Variants in RHPN1 observed in about 807,000 individuals in gnomAD.
RHPN1 encodes the protein rhophilin-1.
RHPN1 carries 77 observed loss-of-function variants against 74.7 expected under a neutral mutation model. That is an observed-to-expected ratio of 1.03 (90% confidence interval 0.86 to 1.25). The LOEUF (loss-of-function observed/expected upper bound fraction) is 1.25. Ranked by LOEUF, RHPN1 falls within the 50% of genes most tolerant of loss-of-function variation. RHPN1 has a pLI of 0.00. For missense variants in RHPN1, 987 were observed against 932.2 expected (o/e 1.06, Z -0.77); for synonymous variants, 444 against 414.5 (o/e 1.07, Z -0.87).
chr8:143,376,512 C>A lies in RHPN1; in HGVS notation c.177-13C>A. On this transcript the variant is annotated splice_polypyrimidine_tract_variant and intron_variant, in intron 2 of 14. Coordinates refer to ENST00000289013, the MANE Select transcript of RHPN1 (RefSeq NM_052924.3). ...CTTGGGGCTGGGCTTTCAACTGCCG[C>A]GGCCTCCCTCAGAGCCACCAGCAAC... The A allele has an allele frequency of 1.2e-6, 2 of 1,611,390 alleles. No individual in the cohort carries two copies. The highest frequency in any genetic ancestry group is 3.3e-4 in the Middle Eastern group (2 of 6,034).
chr8:143,381,290 G>A lies in RHPN1; in HGVS notation c.1434G>A (p.Glu478=), dbSNP rs899755576. Residue 478 remains glutamate (E), a synonymous_variant, in exon 12 of 15, where the codon GAG becomes GAA. Transcript: ENST00000289013. ...DIQPKTHQKP[E]ARMPRLSQGK... The stretch of plus-strand genomic sequence containing the variant: ...CAGCTAAGACCCACCAGAAGCCAGA[G>A]GCCAGGATGCCACGCCTGTCCCAGG... The A allele has an allele frequency of 1.9e-6, 3 of 1,613,120 alleles. No homozygotes were observed. Among genetic ancestry groups the A allele is most frequent in the Non-Finnish European group, 2.5e-6 (3 of 1,179,698 alleles).
upstream of RHPN1, among the ~76,000 whole-genome samples, chr8:143,364,288 A>G (rs1180633880): frequency 3.3e-5 from 5 of 152,210 alleles, no homozygotes; most frequent in East Asian, 9.6e-4. This position sits in a 1 kb window ranked among gnomAD's most constrained non-coding sequence, Gnocchi z 4.5. Context: ...TATTTGCCAG[A>G]AAAGTGCAGT....
chr8:143,382,360 C>T, intron 14 of RHPN1, 76 bp from the exon 15 acceptor site: 4 of 1,346,124 alleles, frequency 3.0e-6, no homozygotes, highest in South Asian at 1.3e-5. Flanking sequence ...AGGTGGTTCT[C>T]ACCCCTCCCA....
chr8:143,374,212 G>A (rs1423740858), intron 1 of RHPN1: 6 of 985,342 alleles, frequency 6.1e-6, no homozygotes, highest in Non-Finnish European at 6.0e-6. Flanking sequence ...ACGTGTGTGC[G>A]TGGAGAGGGT....
chr8:143,366,508 AACAC>A (rs10642629), upstream of RHPN1: 16,358 of 148,612 alleles, frequency 0.11, 1,056 homozygotes, highest in South Asian at 0.26. Context: ...ACCCCCCTCC[AACAC>A]ACACACACAC....
Position 143,379,010 on chromosome 8 carries a change from G to C in RHPN1, c.683G>C (p.Gly228Ala). The C allele has an allele frequency of 6.5e-7, 1 of 1,550,102 alleles. No individual in the cohort carries two copies. The highest frequency in any genetic ancestry group is 8.7e-7 in the Non-Finnish European group (1 of 1,147,162). ...FNIGALHTQI[G>A]ARQDRSCTEG... ...ATCGGTGCCCTCCACACGCAGATTG[G>C]GGCGCGCCAGGACCGCTCCTGCACC... Residue 228 changes from glycine (G) to alanine (A), a missense_variant, in exon 7 of 15, where the codon GGG (glycine) becomes GCG (alanine). Gly to Ala is a moderately conservative substitution (Grantham distance 60). Transcript: ENST00000289013.
In RHPN1 at chr8:143,378,361, C is replaced by CG. The variant is rs1563796993; in HGVS notation, c.459+16dup. The CG allele has an allele frequency of 1.3e-6, 1 of 745,508 alleles. No individual in the cohort carries two copies. Among genetic ancestry groups the CG allele is most frequent in the Non-Finnish European group, 2.1e-6 (1 of 478,970 alleles). 46.2% of individuals were successfully genotyped at this position (745,508 alleles called of 1,614,324 possible). ...CCCTGCGGCAGGTGTGTGGTTCCCC[C>CG]GCCCACCCACCCTCCTGCAGCCCTG... is the stretch of plus-strand genomic sequence containing the variant. On this transcript the variant is annotated intron_variant, in intron 5 of 14. Coordinates refer to ENST00000289013, the MANE Select transcript of RHPN1 (RefSeq NM_052924.3).
In RHPN1 at chr8:143,378,913, T is replaced by C; in HGVS notation, c.586T>C (p.Tyr196His). Residue 196 changes from tyrosine (Y) to histidine (H), a missense_variant and splice_region_variant, in exon 7 of 15, where the codon TAC becomes CAC. Tyr to His is a moderately conservative substitution (Grantham distance 83). Coordinates refer to ENST00000289013, the MANE Select transcript of RHPN1 (RefSeq NM_052924.3). ...ACCCAGCCTGACCCAACACTGCAGG[T>C]ACGACTCGCTTACTGGGGTCCCGGC... ...ARSLGLFFHW[Y>H]DSLTGVPAQQ... 2 of 1,584,582 alleles carry C rather than the reference T, an allele frequency of 1.3e-6. No individual in the cohort carries two copies. The highest frequency in any genetic ancestry group is 1.7e-6 in the Non-Finnish European group (2 of 1,166,188).
chr8:143,366,000 TCA>T (rs1817552092), upstream of RHPN1, among the ~76,000 whole-genome samples: 1 of 124,200 alleles, frequency 8.1e-6, no homozygotes, highest in African/African-American at 3.5e-5. Flanking sequence ...CCACCCTGTC[TCA>T]AAAAAAAAAA....
chr8:143,380,539 A>C (rs1477069135), intron 10 of RHPN1, 50 bp from the exon 11 acceptor site: 3 of 1,418,622 alleles, frequency 2.1e-6, no homozygotes, highest in Non-Finnish European at 2.8e-6. Context: ...GCCACGTCCC[A>C]GGGCCCACGG....
chr8:143,372,545 G>A (rs904260335), intron 1 of RHPN1, among the ~76,000 whole-genome samples: 3 of 152,056 alleles, frequency 2.0e-5, no homozygotes, highest in Non-Finnish European at 4.4e-5. Context: ...GGAGGCCAGG[G>A]TCCTGGGCCG....
At position 143,380,108 on chromosome 8, in the gene RHPN1, G is replaced by T; in HGVS notation, c.1149G>T (p.Gln383His). Residue 383 changes from glutamine (Q) to histidine (H), a missense_variant, in exon 10 of 15, where the codon CAG (glutamine) becomes CAT (histidine). Coordinates refer to ENST00000289013, the MANE Select transcript of RHPN1 (RefSeq NM_052924.3). ...ELPTHEQVFLQPPTSSKPRGP... is the reference protein window; with the variant it reads ...ELPTHEQVFLHPPTSSKPRGP... ...CCACGCACGAGCAGGTCTTCCTGCA[G>T]CCCCCCACCTCCTCTAAGCCCCGAG... The T allele has an allele frequency of 6.4e-7, 1 of 1,552,660 alleles. No individual in the cohort carries two copies. Among genetic ancestry groups the T allele is most frequent in the Non-Finnish European group, 8.7e-7 (1 of 1,149,418 alleles).
chr8:143,377,707 C>T (rs1215193168), intron 4 of RHPN1, among the ~76,000 whole-genome samples: 2 of 152,180 alleles, frequency 1.3e-5, no homozygotes, highest in African/African-American at 2.4e-5. Flanking sequence ...TGAACATGTG[C>T]CCTACCCTCG....
intron 3 of RHPN1, 26 bp downstream of exon 3, chr8:143,376,679 G>T: frequency 6.5e-7 from 1 of 1,546,770 alleles, no homozygotes; most frequent in South Asian, 1.2e-5. Flanking sequence ...GGGACAGCAC[G>T]TGCGTGTATG....
At chr8:143,368,062 G>C (rs150637608), upstream of RHPN1, 1 of 153,548 alleles carries the variant, frequency 6.5e-6, no homozygotes, top group South Asian at 2.1e-4. Flanking sequence ...GGTCAGTCCA[G>C]GAAACAAGCT....
At position 143,383,927 on chromosome 8, in the gene RHPN1, C is replaced by T. The variant is rs1818904053; in HGVS notation, c.*1276C>T. 1 of 152,340 alleles carries T rather than the reference C, an allele frequency of 6.6e-6. No homozygotes were observed. Among genetic ancestry groups the T allele is most frequent in the Non-Finnish European group, 1.5e-5 (1 of 68,144 alleles). The allele number at this position is 152,340 out of a possible 1,614,324, so 9.4% of individuals were successfully genotyped here. ...GGGTCCGCAGGTGAGAGCAGCCTGC[C>T]CTGCATCCCAGGCTCTGGTTCCAGG... is the stretch of plus-strand genomic sequence containing the variant. On this transcript the variant is annotated 3_prime_UTR_variant, in exon 15 of 15. Transcript: ENST00000289013.
intron 1 of RHPN1, among the ~76,000 whole-genome samples, chr8:143,370,676 G>T (rs905398205): frequency 3.3e-5 from 5 of 152,228 alleles, no homozygotes; most frequent in Admixed American, 2.6e-4. Flanking sequence ...TGCCTCCCAA[G>T]CCCTGGGCCT....
In RHPN1 at chr8:143,377,439, G is replaced by A; in HGVS notation, c.365G>A (p.Trp122Ter). 6.2e-7 allele frequency: 1 copy of A among 1,613,000 alleles called. No homozygotes were observed. Among genetic ancestry groups the A allele is most frequent in the Non-Finnish European group, 8.5e-7 (1 of 1,179,196 alleles). The change falls in exon 4 of 15, where the codon TGG (tryptophan) becomes TAG (stop). Residue 122 changes from tryptophan (W) to a stop codon, truncating the protein, a stop_gained. Coordinates refer to ENST00000289013, the MANE Select transcript of RHPN1 (RefSeq NM_052924.3). LOFTEE classifies it high-confidence loss of function. ...CTGAAGGAGACCAAGGAGCTGGACT[G>A]GTCTACACCGCTGAAGGTAGGTACT... ...LGLKETKELD[W>*]STPLKELISV...
At chr8:143,375,937 G>C (rs1818185507) in intron 2 of RHPN1, among the ~76,000 whole-genome samples, 1 of 152,244 alleles carries the variant, frequency 6.6e-6, no homozygotes, top group African/African-American at 2.4e-5. Context: ...GTGCACGTGG[G>C]GGCTTCTCAG....
Sources: allele counts gnomAD v4.1 joint callset (sites outside exome capture counted in the v4.1 genomes callset), GRCh38; gene constraint gnomAD v4.1.1; non-coding constraint Gnocchi (gnomAD v3.1); transcripts MANE v1.5; gene names NCBI Gene and HGNC (gene_info 2026-07-23, HGNC 2026-07-21).